NAALADL2: variants seen among roughly 807,000 people sequenced by gnomAD.
NAALADL2 encodes the protein N-acetylated alpha-linked acidic dipeptidase like 2.
Under a neutral mutation model 87.2 loss-of-function variants are expected in NAALADL2, and 76 were observed. The observed-to-expected ratio is 0.87, with a 90% CI of 0.72 to 1.05. The LOEUF (loss-of-function observed/expected upper bound fraction) is 1.05, where lower values mean the gene tolerates loss of function less well. Among genes scored for constraint, NAALADL2 ranks in the 50% least tolerant of loss-of-function variants. The pLI is 0.00. For synonymous variants in NAALADL2, 354 were observed against 331.0 expected (o/e 1.07, Z -0.75); for missense variants, 1,089 against 945.8 (o/e 1.15, Z -1.99).
chr3:174,980,899 T>A (rs1453408995), intron 1 of NAALADL2, among the ~76,000 whole-genome samples: 3 of 152,168 alleles, frequency 2.0e-5, no homozygotes, highest in Non-Finnish European at 2.9e-5. Context: ...AAAATTGCAT[T>A]TTTAAGAAGC....
At chr3:174,854,120 GAATC>G (rs1579214598) in intron 3 of NAALADL2, among the ~76,000 whole-genome samples, 1 of 152,034 alleles carries the variant, frequency 6.6e-6, no homozygotes, top group African/African-American at 2.4e-5. Flanking sequence ...TCAAGATATG[GAATC>G]AATCTAAGTG....
chr3:175,667,879 T>C (rs1733423640), intron 11 of NAALADL2, among the ~76,000 whole-genome samples: 1 of 151,848 alleles, frequency 6.6e-6, no homozygotes, highest in South Asian at 2.1e-4. Context: ...GTTTTAATAC[T>C]CTTAAAATCT....
intron 1 of NAALADL2, chr3:174,863,901 C>G: frequency 2.9e-6 from 1 of 339,574 alleles, no homozygotes; most frequent in South Asian, 2.3e-5. Flanking sequence ...TTTCACTAGC[C>G]CTTCATGATA....
intron 2 of NAALADL2, among the ~76,000 whole-genome samples, chr3:174,575,507 T>A (rs925134735): frequency 5.9e-5 from 9 of 152,202 alleles, no homozygotes; most frequent in South Asian, 4.1e-4. Flanking sequence ...ATTATAAATA[T>A]GTTATTCCTT....
rs1057328867 is a variant in NAALADL2 at position 175,096,880 on chromosome 3, C to A, written c.134C>A (p.Ala45Asp). The change falls in exon 2 of 14, where the codon GCC becomes GAC. Residue 45 changes from alanine to aspartate, a missense_variant. By Grantham distance (126) the Ala-to-Asp change is moderately radical (BLOSUM62 -2). Transcript: ENST00000454872. The part of the protein sequence containing the change: ...YLDNDDLQAT[A>D]LDLEWDMEKE... ...GACAATGATGACCTTCAAGCCACTG[C>A]CCTTGACTTAGAGTGGGACATGGAG... The A allele has an allele frequency of 3.7e-6, 6 of 1,613,018 alleles. No individual in the cohort carries two copies. Among genetic ancestry groups the A allele is most frequent in the Non-Finnish European group, 5.1e-6 (6 of 1,179,528 alleles).
chr3:174,576,115 G>A (rs746929429), intron 2 of NAALADL2, among the ~76,000 whole-genome samples: 1 of 151,968 alleles, frequency 6.6e-6, no homozygotes, highest in Non-Finnish European at 1.5e-5. Context: ...CACTCACCTC[G>A]GCTTCACAAA....
chr3:175,661,443 C>T (rs761219069), intron 11 of NAALADL2, among the ~76,000 whole-genome samples: 10 of 151,728 alleles, frequency 6.6e-5, no homozygotes, highest in Non-Finnish European at 1.3e-4. Flanking sequence ...ATATTTTCTC[C>T]CATTCTGTAA....
At chr3:175,389,334 A>G (rs77962482) in intron 5 of NAALADL2, among the ~76,000 whole-genome samples, 289 of 152,336 alleles carry the variant, frequency 1.9e-3, no homozygotes, top group African/African-American at 6.7e-3. Context: ...ATTTACATTT[A>G]GATCCAAGAA....
At chr3:174,493,431 A>G (rs1433279048) in intron 1 of NAALADL2, among the ~76,000 whole-genome samples, 1 of 152,234 alleles carries the variant, frequency 6.6e-6, no homozygotes, top group Non-Finnish European at 1.5e-5. Flanking sequence ...ATAAATGCTC[A>G]TGTTATTTCT....
intron 3 of NAALADL2, among the ~76,000 whole-genome samples, chr3:174,797,093 T>C (rs1718188161): frequency 6.6e-6 from 1 of 152,086 alleles, no homozygotes; most frequent in Non-Finnish European, 1.5e-5. Context: ...GTTTCAGGTC[T>C]TACATTTAAG....
At chr3:174,742,932 C>T (rs35651184) in intron 3 of NAALADL2, among the ~76,000 whole-genome samples, 1,808 of 151,560 alleles carry the variant, frequency 0.012, 11 homozygotes, top group Non-Finnish European at 0.02. Context: ...TATTTTCACT[C>T]TTTGTGTTGC....
chr3:175,654,635 G>GT (rs1417764171), intron 11 of NAALADL2, among the ~76,000 whole-genome samples: 1 of 152,180 alleles, frequency 6.6e-6, no homozygotes, highest in Admixed American at 6.5e-5. Context: ...TGGCATCGCT[G>GT]TAAGTGCAGC....
intron 1 of NAALADL2, chr3:175,059,235 T>C (rs1017985993): frequency 1.3e-5 from 2 of 152,188 alleles, no homozygotes; most frequent in African/African-American, 2.4e-5. Context: ...TGAAATATTC[T>C]GTTATCTCTA....
At chr3:175,256,291 G>T (rs552406725) in intron 3 of NAALADL2, 120 bp from the exon 4 acceptor site, 2 of 930,114 alleles carry the variant, frequency 2.2e-6, no homozygotes, top group Non-Finnish European at 3.1e-6. Flanking sequence ...GTAAGAGATA[G>T]AATTAATTCT....
chr3:174,544,769 C>A (rs1029599703), intron 1 of NAALADL2, among the ~76,000 whole-genome samples: 3 of 151,708 alleles, frequency 2.0e-5, no homozygotes, highest in Non-Finnish European at 4.4e-5. Context: ...TGGAGTTTCA[C>A]CGTGTTGGCC....
Position 175,365,702 on chromosome 3 carries a change from T to TA in NAALADL2, c.1090+41384dup, listed in dbSNP as rs1159557377. 1.4e-5 allele frequency among the ~76,000 whole-genome samples: 2 copies of TA among 147,138 alleles called. 1 individual carries two copies. Among genetic ancestry groups the TA allele is most frequent in the Non-Finnish European group, 3.0e-5 (2 of 66,396 alleles). On this transcript the variant is annotated intron_variant, in intron 5 of 13. Transcript: ENST00000454872. ...ATGGAACATTTGAAATTGTATGACC[T>TA]AAAAAAATCTGAGATACATAGGATC...
intron 9 of NAALADL2, among the ~76,000 whole-genome samples, chr3:175,495,357 G>C (rs1246979675): frequency 6.6e-6 from 1 of 152,046 alleles, no homozygotes; most frequent in Non-Finnish European, 1.5e-5. Context: ...TATGCCTGAT[G>C]TTGATGAATG....
At chr3:175,063,303 A>T (rs1288464540) in intron 1 of NAALADL2, among the ~76,000 whole-genome samples, 1 of 152,122 alleles carries the variant, frequency 6.6e-6, no homozygotes, top group Non-Finnish European at 1.5e-5. Flanking sequence ...AATTGATTTG[A>T]TAAATATGTA....
At chr3:174,914,598 A>C (rs913279477) in intron 1 of NAALADL2, among the ~76,000 whole-genome samples, 1 of 152,214 alleles carries the variant, frequency 6.6e-6, no homozygotes, top group East Asian at 1.9e-4. Context: ...ATCAAATATC[A>C]GACATAATCT....
Sources: gnomAD v4.1 joint callset for allele counts (sites outside exome capture counted in the v4.1 genomes callset) on GRCh38, gnomAD v4.1.1 for gene constraint, MANE v1.5 for transcripts, NCBI Gene and HGNC (gene_info 2026-07-23, HGNC 2026-07-21) for gene names.